XKR4: variants seen among roughly 807,000 people sequenced by gnomAD.
XKR4 encodes the protein XK related 4.
In XKR4, 12 loss-of-function variants were observed where a neutral mutation model predicts 53.9. That is an observed-to-expected ratio of 0.22 (90% CI 0.14 to 0.36). XKR4 has a LOEUF of 0.36. Ranked by LOEUF, XKR4 falls within the 10% of genes least tolerant of loss-of-function variation. The probability of loss-of-function intolerance (pLI) is 1.00; values close to 1 mark genes in which losing one functional copy is unlikely to be tolerated. For missense variants in XKR4, 799 were observed against 859.5 expected (o/e 0.93, Z 0.88); for synonymous variants, 354 against 362.4 (o/e 0.98, Z 0.26).
intron 2 of XKR4, chr8:55,449,378 A>C: frequency 1.6e-6 from 1 of 609,696 alleles, no homozygotes; most frequent in Non-Finnish European, 3.0e-6. Context: ...TGTACACACA[A>C]GTGCTGGGGG....
At chr8:55,425,383 T>C (rs1585566973) in intron 2 of XKR4, among the ~76,000 whole-genome samples, 1 of 145,012 alleles carries the variant, frequency 6.9e-6, no homozygotes, top group East Asian at 2.1e-4. Flanking sequence ...TCTTGCCCCG[T>C]TGTTTGTTTC....
intron 2 of XKR4, among the ~76,000 whole-genome samples, chr8:55,496,846 G>C (rs1361014331): frequency 6.6e-6 from 1 of 152,134 alleles, no homozygotes; most frequent in East Asian, 1.9e-4. Flanking sequence ...CCCATCATTA[G>C]AAAGTACCAT....
At chr8:55,331,693 G>A (rs550186540) in intron 1 of XKR4, among the ~76,000 whole-genome samples, 16 of 152,120 alleles carry the variant, frequency 1.1e-4, no homozygotes, top group South Asian at 4.2e-4. Flanking sequence ...CATTACATAA[G>A]GTCCTTTTCT....
intron 2 of XKR4, among the ~76,000 whole-genome samples, chr8:55,455,850 G>C (rs1805561916): frequency 6.6e-6 from 1 of 152,202 alleles, no homozygotes; most frequent in Non-Finnish European, 1.5e-5. Flanking sequence ...AGCTTTATGG[G>C]TTCAAGGTGC....
At chr8:55,174,124 T>C (rs1484842245) in intron 1 of XKR4, among the ~76,000 whole-genome samples, 1 of 152,094 alleles carries the variant, frequency 6.6e-6, no homozygotes, top group East Asian at 1.9e-4. Context: ...GATAATACAA[T>C]TAAAATGTTT....
At chr8:55,490,986 T>C (rs916383171) in intron 2 of XKR4, among the ~76,000 whole-genome samples, 2 of 152,108 alleles carry the variant, frequency 1.3e-5, no homozygotes, top group Non-Finnish European at 2.9e-5. Flanking sequence ...AGTTTGCTAT[T>C]GTTTCATAGC....
At chr8:55,281,533 A>T (rs1012704268) in intron 1 of XKR4, among the ~76,000 whole-genome samples, 11 of 152,188 alleles carry the variant, frequency 7.2e-5, no homozygotes, top group Admixed American at 7.2e-4. Flanking sequence ...ACGTAGAAAC[A>T]TGCATGCCAC....
intron 2 of XKR4, among the ~76,000 whole-genome samples, chr8:55,396,462 G>A (rs192990708): frequency 5.4e-5 from 7 of 128,452 alleles, no homozygotes; most frequent in Non-Finnish European, 1.1e-4. Flanking sequence ...GGGTAATTGG[G>A]GATCAATTTG....
chr8:55,152,206 A>G (rs1269461408), intron 1 of XKR4, among the ~76,000 whole-genome samples: 1 of 152,196 alleles, frequency 6.6e-6, no homozygotes, highest in Non-Finnish European at 1.5e-5. Context: ...AACATGAACT[A>G]TGTTTATGAA....
intron 1 of XKR4, among the ~76,000 whole-genome samples, chr8:55,106,920 A>G (rs1325283576): frequency 1.3e-5 from 2 of 152,256 alleles, no homozygotes; most frequent in East Asian, 1.9e-4. Flanking sequence ...CCATGTTCAA[A>G]TAAGTTGGGA....
intron 2 of XKR4, among the ~76,000 whole-genome samples, chr8:55,461,999 T>C (rs1255185274): frequency 6.6e-6 from 1 of 152,212 alleles, no homozygotes; most frequent in African/African-American, 2.4e-5. Context: ...TACATCTACT[T>C]GGTGTACCTG....
chr8:55,429,884 A>G (rs1805074174), intron 2 of XKR4, among the ~76,000 whole-genome samples: 1 of 152,214 alleles, frequency 6.6e-6, no homozygotes, highest in African/African-American at 2.4e-5. Flanking sequence ...TACAAACCAC[A>G]CATCTGACGA....
chr8:55,415,814 G>A (rs112696385), intron 2 of XKR4, among the ~76,000 whole-genome samples: 2 of 152,102 alleles, frequency 1.3e-5, no homozygotes, highest in Non-Finnish European at 2.9e-5. Flanking sequence ...TGGGCATAAG[G>A]CTTCAATTCA....
intron 1 of XKR4, among the ~76,000 whole-genome samples, chr8:55,156,089 C>T (rs561979401): frequency 9.9e-5 from 15 of 151,832 alleles, no homozygotes; most frequent in Non-Finnish European, 1.8e-4. Flanking sequence ...CGCTTCAAAC[C>T]CAGGAAGGTG....
chr8:55,477,573 T>C (rs1189813377), intron 2 of XKR4, among the ~76,000 whole-genome samples: 3 of 152,084 alleles, frequency 2.0e-5, no homozygotes, highest in African/African-American at 7.3e-5. Flanking sequence ...TTTGACAAGA[T>C]GAGAGAAGAA....
chr8:55,136,957 A>G (rs150886441), intron 1 of XKR4, among the ~76,000 whole-genome samples: 1 of 152,350 alleles, frequency 6.6e-6, no homozygotes, highest in East Asian at 1.9e-4. Flanking sequence ...AGAGCTAATT[A>G]CAATATAGCA....
chr8:55,479,308 A>G (rs1056511953), intron 2 of XKR4, among the ~76,000 whole-genome samples: 1 of 152,274 alleles, frequency 6.6e-6, no homozygotes, highest in African/African-American at 2.4e-5. Flanking sequence ...TTCTGGGTAC[A>G]TAACAAAATG....
intron 2 of XKR4, chr8:55,517,317 A>G (rs1806727501): frequency 6.6e-6 from 1 of 151,468 alleles, no homozygotes; most frequent in South Asian, 2.1e-4. Flanking sequence ...ATGACAGGGG[A>G]AAATGCACTA....
At chr8:55,478,379 T>G (rs1806038431) in intron 2 of XKR4, among the ~76,000 whole-genome samples, 1 of 151,938 alleles carries the variant, frequency 6.6e-6, no homozygotes, top group South Asian at 2.1e-4. Context: ...AGGCCTGCCC[T>G]AAAAGAGCTC....
Sources: gnomAD v4.1 joint callset for allele counts (sites outside exome capture counted in the v4.1 genomes callset) on GRCh38, gnomAD v4.1.1 for gene constraint, MANE v1.5 for transcripts, NCBI Gene and HGNC (gene_info 2026-07-23, HGNC 2026-07-21) for gene names.